The following HNF4G variants were observed in gnomAD, a reference collection of about 807,000 sequenced individuals.
HNF4G encodes hepatocyte nuclear factor 4 gamma.
In HNF4G, 21 loss-of-function variants were observed where a neutral mutation model predicts 50.9. The ratio of observed to expected loss-of-function variants is 0.41; its 90% CI spans 0.29 to 0.59. The LOEUF is 0.59. Ranked by LOEUF, HNF4G falls within the 20% of genes least tolerant of loss-of-function variation. The pLI, the probability that HNF4G is intolerant of heterozygous loss-of-function variation, is 0.26. For missense variants in HNF4G, 527 were observed against 559.4 expected, an observed-to-expected ratio of 0.94 and a Z score of 0.58; for synonymous variants, 198 against 185.6, an observed-to-expected ratio of 1.07 and a Z score of -0.54.
intron 2 of HNF4G, among the ~76,000 whole-genome samples, chr8:75,496,381 T>C (rs1177188600): frequency 6.6e-6 from 1 of 152,074 alleles, no homozygotes; most frequent in Admixed American, 6.5e-5. Flanking sequence ...TTTTTTCAAC[T>C]CAGTGGATGT....
At chr8:75,463,698 G>A (rs1349649802) in intron 1 of HNF4G, among the ~76,000 whole-genome samples, 2 of 150,112 alleles carry the variant, frequency 1.3e-5, no homozygotes, top group East Asian at 1.9e-4. Context: ...CTTAACTTTG[G>A]TCAGGTGTCA....
chr8:75,409,196 C>T (rs61542605), intron 1 of HNF4G, among the ~76,000 whole-genome samples: 2,446 of 152,206 alleles, frequency 0.016, 51 homozygotes, highest in African/African-American at 0.035. Flanking sequence ...TGGTAAACTG[C>T]TCATTTTTCA....
At chr8:75,417,514 C>T (rs1810670044) in intron 1 of HNF4G, among the ~76,000 whole-genome samples, 1 of 152,170 alleles carries the variant, frequency 6.6e-6, no homozygotes, top group African/African-American at 2.4e-5. Context: ...CATTCGTCTC[C>T]AGAGCCCAGT....
At position 75,513,187 on chromosome 8, in the gene HNF4G, A is replaced by G. The variant is rs543786538; in HGVS notation, c.-24+22979A>G. On this transcript the variant is annotated intron_variant, in intron 2 of 10. Transcript: ENST00000354370. The stretch of plus-strand genomic sequence containing the variant: ...TGAGTAGCTGGGACTACAGGCTCCT[A>G]CCACCACGCCCAGCTAATTTTTGTA... 2.6e-5 allele frequency among the ~76,000 whole-genome samples: 4 copies of G among 151,830 alleles called. No individual in the cohort carries two copies. In the South Asian group the frequency reaches 6.2e-4, roughly 24 times the overall value.
chr8:75,517,421 C>G (rs1391055987), intron 2 of HNF4G, among the ~76,000 whole-genome samples: 2 of 152,174 alleles, frequency 1.3e-5, no homozygotes, highest in Non-Finnish European at 2.9e-5. Flanking sequence ...CACTTATGAG[C>G]CTGTAAAATC....
At chr8:75,547,203 G>A (rs552171456) in intron 2 of HNF4G, among the ~76,000 whole-genome samples, 2 of 152,276 alleles carry the variant, frequency 1.3e-5, no homozygotes, top group Non-Finnish European at 2.9e-5. Flanking sequence ...AAAGAGAAAA[G>A]CATGAAAATA....
At chr8:75,531,162 AAT>A (rs1422639996) in intron 2 of HNF4G, among the ~76,000 whole-genome samples, 1 of 152,166 alleles carries the variant, frequency 6.6e-6, no homozygotes, top group Non-Finnish European at 1.5e-5. Context: ...ATTCTAGAGA[AAT>A]ATAACATTTG....
chr8:75,423,682 A>G (rs1045294092), intron 1 of HNF4G, among the ~76,000 whole-genome samples: 1 of 151,738 alleles, frequency 6.6e-6, no homozygotes, highest in African/African-American at 2.4e-5. Flanking sequence ...GAGCCACCGC[A>G]CCCAGCCATT....
chr8:75,507,614 C>T (rs1054530297), intron 2 of HNF4G, among the ~76,000 whole-genome samples: 1 of 152,078 alleles, frequency 6.6e-6, no homozygotes, highest in Non-Finnish European at 1.5e-5. Context: ...TTTTCATTTG[C>T]AATCAAAGCT....
At chr8:75,418,805 G>A (rs917038235) in intron 1 of HNF4G, among the ~76,000 whole-genome samples, 4 of 132,184 alleles carry the variant, frequency 3.0e-5, no homozygotes, top group Admixed American at 1.8e-4. Context: ...TCAGCTCACC[G>A]CAACCTCCGC....
chr8:75,562,444 C>T (rs1314996258), intron 9 of HNF4G, among the ~76,000 whole-genome samples: 1 of 152,104 alleles, frequency 6.6e-6, no homozygotes, highest in African/African-American at 2.4e-5. Context: ...ATAGATCTTA[C>T]CATTTTCATT....
chr8:75,507,156 G>A (rs886716787), intron 2 of HNF4G, among the ~76,000 whole-genome samples: 3 of 151,662 alleles, frequency 2.0e-5, no homozygotes, highest in African/African-American at 7.3e-5. Flanking sequence ...ACAGGTAATT[G>A]TCTATTTTTA....
rs1806574438 is a variant in HNF4G, at chr8:75,540,147, C to T, written c.118+67C>T. Reference sequence around the variant, plus strand: ...TAATTGGAGAAGGTGGAAGACTGAGCTTCCAAAGGTGGTGGCTCAATGTTT... The same window carrying T: ...TAATTGGAGAAGGTGGAAGACTGAGTTTCCAAAGGTGGTGGCTCAATGTTT... On this transcript the variant is annotated intron_variant, in intron 1 of 9. Transcript: ENST00000396423. 3.3e-6 allele frequency: 3 copies of T among 917,612 alleles called. No homozygotes were observed. In the South Asian group the frequency reaches 4.2e-5, roughly 13 times the overall value. 56.8% of individuals were successfully genotyped at this position (917,612 alleles called of 1,614,324 possible).
intron 1 of HNF4G, among the ~76,000 whole-genome samples, chr8:75,422,046 G>C (rs1479655340): frequency 6.6e-6 from 1 of 152,110 alleles, no homozygotes; most frequent in African/African-American, 2.4e-5. Context: ...GAACTTTAGG[G>C]GAAAGATAAC....
At chr8:75,550,524 G>C (rs937092451) in intron 3 of HNF4G, among the ~76,000 whole-genome samples, 1 of 151,980 alleles carries the variant, frequency 6.6e-6, no homozygotes, top group African/African-American at 2.4e-5. Flanking sequence ...TGTTGGCCAG[G>C]TTGGTCTCGT....
intron 1 of HNF4G, among the ~76,000 whole-genome samples, chr8:75,484,164 A>T (rs1347442660): frequency 6.6e-6 from 1 of 152,222 alleles, no homozygotes; most frequent in Non-Finnish European, 1.5e-5. Context: ...GTAAATTAGA[A>T]TGTTTAGCTC....
intron 1 of HNF4G, among the ~76,000 whole-genome samples, chr8:75,443,327 T>C (rs1311068636): frequency 6.6e-6 from 1 of 152,160 alleles, no homozygotes; most frequent in Non-Finnish European, 1.5e-5. Context: ...ACTATTTTAA[T>C]CAAATCACTT....
intron 2 of HNF4G, among the ~76,000 whole-genome samples, chr8:75,523,245 G>C (rs538403193): frequency 1.6e-4 from 24 of 151,838 alleles, no homozygotes; most frequent in African/African-American, 5.6e-4. Context: ...AAAAAAGAAA[G>C]ACAATTTTTC....
intron 7 of HNF4G, 37 bp from the exon 8 acceptor site, chr8:75,558,763 GT>G (rs752935970): frequency 1.3e-6 from 2 of 1,589,898 alleles, no homozygotes; most frequent in South Asian, 2.2e-5. Context: ...CTGTAATTAG[GT>G]TAAATCTGTA....
Sources: gnomAD v4.1 joint callset for allele counts (sites outside exome capture counted in the v4.1 genomes callset) on GRCh38, gnomAD v4.1.1 for gene constraint, MANE v1.5 for transcripts, NCBI Gene and HGNC (gene_info 2026-07-23, HGNC 2026-07-21) for gene names.